The following TP53AIP1 variants were observed in gnomAD, a reference collection of about 807,000 sequenced individuals.
TP53AIP1 encodes p53-regulated apoptosis-inducing protein 1.
In TP53AIP1, 14 loss-of-function variants were observed where a neutral mutation model predicts 9.5. The ratio of observed to expected loss-of-function variants is 1.47; its 90% CI spans 0.97 to 2.30. The LOEUF (loss-of-function observed/expected upper bound fraction) is 2.30. TP53AIP1 is among the 30% of genes most tolerant of loss of function. The pLI is 0.00. For missense variants in TP53AIP1, 153 were observed against 146.7 expected (o/e 1.04, Z -0.22); for synonymous variants, 73 against 61.2 (o/e 1.19, Z -0.90).
At chr11:128,942,201 A>G (rs756248848) in intron 1 of TP53AIP1, among the ~76,000 whole-genome samples, 1 of 152,208 alleles carries the variant, frequency 6.6e-6, no homozygotes, top group South Asian at 2.1e-4. Context: ...GAACCCTGCC[A>G]TGACATGCCC....
chr11:128,934,800 C>T, downstream of TP53AIP1: 1 of 554,720 alleles, frequency 1.8e-6, no homozygotes, highest in Non-Finnish European at 3.2e-6. Context: ...GAGAGAGACC[C>T]ACAGGGAAGG....
chr11:128,938,903 C>A (rs567005632), intron 1 of TP53AIP1, among the ~76,000 whole-genome samples: 1 of 152,192 alleles, frequency 6.6e-6, no homozygotes, highest in Non-Finnish European at 1.5e-5. Context: ...AGAAGCCCAG[C>A]AAGTAGCATC....
intron 1 of TP53AIP1, among the ~76,000 whole-genome samples, chr11:128,941,618 T>G (rs1367833291): frequency 6.6e-6 from 1 of 152,242 alleles, no homozygotes; most frequent in Non-Finnish European, 1.5e-5. Context: ...GTTCCGACAT[T>G]TCTTTCTCTG....
At position 128,937,723 on chromosome 11, in the gene TP53AIP1, C is replaced by T. The variant is rs151337184; in HGVS notation, c.96G>A (p.Ser32=). Residue 32 remains serine, a synonymous_variant, in exon 2 of 4, where the codon TCG becomes TCA. Coordinates refer to ENST00000531399, the MANE Select transcript of TP53AIP1 (RefSeq NM_022112.3). This position sits in a 1 kb window ranked among gnomAD's most constrained non-coding sequence, Gnocchi z 4.8. ...GAGCCCTGCCATTCGGAGGCATCAC[C>T]GAGAGGTTCTGGTCTCCCCTGCCCA... ...QGLGRGDQNL[S]VMPPNGRAQT... The T allele has an allele frequency of 7.2e-5, 116 of 1,614,168 alleles. No homozygotes were observed. The African/African-American group carries it at 7.9e-4, about 11-fold the overall frequency.
chr11:128,936,838 A>G, intron 2 of TP53AIP1, 189 bp from the exon 3 acceptor site: 1 of 1,420,002 alleles, frequency 7.0e-7, no homozygotes, highest in Non-Finnish European at 9.2e-7. Context: ...AGGCTCCTCA[A>G]GGTCAGTGGT....
At chr11:128,936,467 C>A in intron 3 of TP53AIP1, 71 bp downstream of exon 3, 2 of 1,467,968 alleles carry the variant, frequency 1.4e-6, no homozygotes, top group Non-Finnish European at 9.0e-7. Context: ...CTGGATTTAT[C>A]GAGAGGACAT....
In TP53AIP1 at chr11:128,937,649, C is replaced by T. The variant is rs1944856036; in HGVS notation, c.141+29G>A. 1 of 1,614,186 alleles carries T rather than the reference C, an allele frequency of 6.2e-7. No homozygotes were observed. Among genetic ancestry groups the T allele is most frequent in the South Asian group, 1.1e-5 (1 of 91,084 alleles). ...GCCCGGGGCTGTGGCAGGCAAAAGA[C>T]CGTCTCGGTTTTCACTGCAGGGACT... On this transcript the variant is annotated intron_variant, in intron 2 of 3. Transcript: ENST00000531399. This position sits in a 1 kb window ranked among gnomAD's most constrained non-coding sequence, Gnocchi z 4.8.
chr11:128,938,014 A>T (rs995136479), intron 1 of TP53AIP1, 120 bp from the exon 2 acceptor site: 2 of 634,124 alleles, frequency 3.2e-6, no homozygotes, highest in African/African-American at 3.7e-5. Context: ...AAGCCGATGC[A>T]CCCAGAGACC....
In TP53AIP1 at chr11:128,935,520, T is replaced by TGTTTGTC; in HGVS notation, c.*70_*71insGACAAAC. 1 of 1,497,100 alleles carries TGTTTGTC rather than the reference T, an allele frequency of 6.7e-7. No individual in the cohort carries two copies. The highest frequency in any genetic ancestry group is 8.9e-7 in the Non-Finnish European group (1 of 1,125,100). 92.7% of individuals were successfully genotyped at this position (1,497,100 alleles called of 1,614,324 possible). A position where few individuals can be genotyped will look rare whatever the true frequency, so the allele number is the denominator to read the frequency against. On this transcript the variant is annotated 3_prime_UTR_variant, in exon 4 of 4. Transcript: ENST00000531399. ...TTTCTCGACGGTGCTTTCTGTTTGT[T>TGTTTGTC]TGTTTGTTTTTGTTTTGAGATGGAG...
At position 128,937,269 on chromosome 11, in the gene TP53AIP1, G is replaced by C. The variant is rs1308019022; in HGVS notation, c.141+409C>G. 7.6e-7 allele frequency: 1 copy of C among 1,310,722 alleles called. No homozygotes were observed. Among genetic ancestry groups the C allele is most frequent in the East Asian group, 2.9e-5 (1 of 34,038 alleles). 81.2% of individuals were successfully genotyped at this position (1,310,722 alleles called of 1,614,324 possible). The stretch of plus-strand genomic sequence containing the variant: ...AAAAGCAGGATCCGGGGTGGACGCA[G>C]AAGAGCAGGCCCGGAGCCCTGCACC... On this transcript the variant is annotated intron_variant, in intron 2 of 3. Transcript: ENST00000531399. The surrounding 1 kb of genome is among the most constrained non-coding windows in gnomAD (Gnocchi z 4.8).
In TP53AIP1 at chr11:128,935,672, G is replaced by A. The variant is rs557899862; in HGVS notation, c.294C>T (p.Ala98=). 6 of 1,586,860 alleles carry A rather than the reference G, an allele frequency of 3.8e-6. No homozygotes were observed. The East Asian group carries it at 1.3e-4, about 36-fold the overall frequency. ...CCAGTGGCCTGTCTCTAAGCACTGT[G>A]GCTCCAGGAAGGAAAGGCCTGGAGA... ...LGLSRPFLPG[A]TVLRDRPLGS... Residue 98 remains alanine, a synonymous_variant, in exon 4 of 4, where the codon GCC becomes GCT. Coordinates refer to ENST00000531399, the MANE Select transcript of TP53AIP1 (RefSeq NM_022112.3).
In TP53AIP1 at chr11:128,937,855, G is replaced by C; in HGVS notation, c.-37C>G. On this transcript the variant is annotated 5_prime_UTR_variant, in exon 2 of 4. Coordinates refer to ENST00000531399, the MANE Select transcript of TP53AIP1 (RefSeq NM_022112.3). The surrounding 1 kb of genome is among the most constrained non-coding windows in gnomAD (Gnocchi z 4.8). ...CCTGTCTGCAGAAAGCAGAGAACTTGGCTTCTCCTCATTTGTTGTTAGGGC... is the reference window on the plus strand; with the variant it reads ...CCTGTCTGCAGAAAGCAGAGAACTTCGCTTCTCCTCATTTGTTGTTAGGGC... 6.4e-7 allele frequency: 1 copy of C among 1,570,600 alleles called. No homozygotes were observed. Among genetic ancestry groups the C allele is most frequent in the Non-Finnish European group, 8.6e-7 (1 of 1,160,052 alleles).
chr11:128,937,312 T>G lies in TP53AIP1; in HGVS notation c.141+366A>C. 2 of 1,377,544 alleles carry G rather than the reference T, an allele frequency of 1.5e-6. No individual in the cohort carries two copies. The highest frequency in any genetic ancestry group is 1.9e-6 in the Non-Finnish European group (2 of 1,069,194). The allele number at this position is 1,377,544 out of a possible 1,614,324, so 85.3% of individuals were successfully genotyped here. On this transcript the variant is annotated intron_variant, in intron 2 of 3. Coordinates refer to ENST00000531399, the MANE Select transcript of TP53AIP1 (RefSeq NM_022112.3). The surrounding 1 kb of genome is among the most constrained non-coding windows in gnomAD (Gnocchi z 4.8). ...CCTGCACCCCAGCCTTCCCTCCCCA[T>G]GCGCTCCACATGCGTCCTTTGTTCA...
Position 128,937,169 on chromosome 11 carries a change from T to C in TP53AIP1, c.141+509A>G. ...TCCTCAGAGCCCACAAGCTTCCGAG[T>C]GCGTCATCTTCATTATTGGCCACAG... is the stretch of plus-strand genomic sequence containing the variant. On this transcript the variant is annotated intron_variant, in intron 2 of 3. Coordinates refer to ENST00000531399, the MANE Select transcript of TP53AIP1 (RefSeq NM_022112.3). The surrounding 1 kb of genome is among the most constrained non-coding windows in gnomAD (Gnocchi z 4.8). 2 of 1,106,514 alleles carry C rather than the reference T, an allele frequency of 1.8e-6. No homozygotes were observed. The highest frequency in any genetic ancestry group is 3.5e-5 in the South Asian group (1 of 28,190). 68.5% of individuals were successfully genotyped at this position (1,106,514 alleles called of 1,614,324 possible). A position where few individuals can be genotyped will look rare whatever the true frequency, so the allele number is the denominator to read the frequency against.
chr11:128,941,076 G>T (rs375315852), intron 1 of TP53AIP1, among the ~76,000 whole-genome samples: 1 of 142,920 alleles, frequency 7.0e-6, no homozygotes, highest in African/African-American at 2.5e-5. Context: ...GATGAGGAGA[G>T]CCAGGCTGGC....
chr11:128,936,263 C>T, intron 3 of TP53AIP1: 1 of 1,189,298 alleles, frequency 8.4e-7, no homozygotes, highest in Non-Finnish European at 1.0e-6. Context: ...ATCCTATGGC[C>T]CATTCCAGAA....
In TP53AIP1 at chr11:128,937,512, A is replaced by G. The variant is rs773385297; in HGVS notation, c.141+166T>C. 3.7e-6 allele frequency: 6 copies of G among 1,603,932 alleles called. No homozygotes were observed. Among genetic ancestry groups the G allele is most frequent in the East Asian group, 2.2e-5 (1 of 44,726 alleles). ...GGCTGTCAGTTCCCAGCTCTGTCCAATGCTCTGAACTGGGGACAGTCCGCA... is the reference window on the plus strand; with the variant it reads ...GGCTGTCAGTTCCCAGCTCTGTCCAGTGCTCTGAACTGGGGACAGTCCGCA... On this transcript the variant is annotated intron_variant, in intron 2 of 3. Coordinates refer to ENST00000531399, the MANE Select transcript of TP53AIP1 (RefSeq NM_022112.3). The surrounding 1 kb of genome is among the most constrained non-coding windows in gnomAD (Gnocchi z 4.8).
downstream of TP53AIP1, chr11:128,934,855 G>A: frequency 1.6e-6 from 1 of 616,016 alleles, no homozygotes; most frequent in Admixed American, 2.4e-5. Flanking sequence ...GGGCGATTGA[G>A]GTCATGCCCA....
chr11:128,942,648 C>T (rs1027853035), intron 1 of TP53AIP1, 146 bp downstream of exon 1: 8 of 152,308 alleles, frequency 5.3e-5, no homozygotes, highest in Non-Finnish European at 1.0e-4. Context: ...CTCCTCCAGG[C>T]CTCACCTGCG....
Sources: allele counts gnomAD v4.1 joint callset (sites outside exome capture counted in the v4.1 genomes callset), GRCh38; gene constraint gnomAD v4.1.1; non-coding constraint Gnocchi (gnomAD v3.1); transcripts MANE v1.5; gene names NCBI Gene and HGNC (gene_info 2026-07-23, HGNC 2026-07-21).